Variants in NEK10 observed in about 807,000 individuals in gnomAD.
The protein encoded by NEK10 is NIMA related kinase 10.
A neutral mutation model predicts 159.8 loss-of-function variants in NEK10; 122 were observed. The ratio of observed to expected loss-of-function variants is 0.76; its 90% CI spans 0.66 to 0.89. The LOEUF is 0.89. Among genes scored for constraint, NEK10 ranks in the 40% least tolerant of loss-of-function variants. The probability of loss-of-function intolerance (pLI) is 0.00; values close to 1 mark genes in which losing one functional copy is unlikely to be tolerated. For missense variants in NEK10, 1,342 were observed against 1,323.1 expected (o/e 1.01, Z -0.22); for synonymous variants, 466 against 457.1 (o/e 1.02, Z -0.25).
In NEK10 at chr3:27,160,807, G is replaced by A. The variant is rs1419380880; in HGVS notation, c.2869+1894C>T. Among the ~76,000 whole-genome samples, 3 of 152,182 alleles carry A rather than the reference G, an allele frequency of 2.0e-5. No homozygotes were observed. The East Asian group carries it at 5.8e-4, about 29-fold the overall frequency. On this transcript the variant is annotated intron_variant, in intron 30 of 35. Transcript: ENST00000691995. ...TGTAATCCCAGCTACTCGGTAGGCTGAGGCAGGAGAATTGCCTGAACCCAG... is the reference window on the plus strand; with the variant it reads ...TGTAATCCCAGCTACTCGGTAGGCTAAGGCAGGAGAATTGCCTGAACCCAG...
Position 27,346,244 on chromosome 3 carries a change from G to A in NEK10, c.133-28C>T, listed in dbSNP as rs752796999. The A allele has an allele frequency of 4.3e-6, 7 of 1,612,476 alleles. No homozygotes were observed. In the African/African-American group the frequency reaches 5.3e-5, roughly 12 times the overall value. On this transcript the variant is annotated intron_variant, in intron 3 of 35. Coordinates refer to ENST00000691995, the MANE Select transcript of NEK10 (RefSeq NM_001394966.1). ...ACAGAAATAGAAGCATAGAGTACATGAGGATCACAATTCAGCACGGGATAA... is the reference window on the plus strand; with the variant it reads ...ACAGAAATAGAAGCATAGAGTACATAAGGATCACAATTCAGCACGGGATAA...
intron 26 of NEK10, among the ~76,000 whole-genome samples, chr3:27,186,666 C>A (rs1005540652): frequency 2.0e-5 from 3 of 152,140 alleles, no homozygotes; most frequent in Admixed American, 6.5e-5. Context: ...AGAGCAGAGG[C>A]CTTGTCTATT....
intron 3 of NEK10, among the ~76,000 whole-genome samples, chr3:27,349,118 C>T (rs556342269): frequency 2.6e-5 from 4 of 152,020 alleles, no homozygotes; most frequent in Admixed American, 1.3e-4. Context: ...TCAAGAAAGT[C>T]GTGTCACTTC....
At chr3:27,316,693 T>C (rs2045211850) in intron 6 of NEK10, among the ~76,000 whole-genome samples, 1 of 152,034 alleles carries the variant, frequency 6.6e-6, no homozygotes, top group African/African-American at 2.4e-5. Context: ...TTTGATGATA[T>C]GGGACTAACT....
chr3:27,275,025 T>C (rs1412648903), intron 22 of NEK10, among the ~76,000 whole-genome samples: 1 of 152,174 alleles, frequency 6.6e-6, no homozygotes. Flanking sequence ...AACCTTAGTC[T>C]TCGGTGTTTT....
chr3:27,304,607 T>C, intron 12 of NEK10, 140 bp downstream of exon 12: 1 of 638,652 alleles, frequency 1.6e-6, no homozygotes, highest in Non-Finnish European at 2.9e-6. Context: ...CAAGTCTAGA[T>C]GACTTTGGAA....
intron 23 of NEK10, among the ~76,000 whole-genome samples, chr3:27,228,583 T>C (rs776654215): frequency 6.6e-6 from 1 of 152,164 alleles, no homozygotes; most frequent in Non-Finnish European, 1.5e-5. Flanking sequence ...GACAACGTGA[T>C]CTAAGAGGCA....
intron 23 of NEK10, among the ~76,000 whole-genome samples, chr3:27,217,667 C>A (rs1951668648): frequency 6.6e-6 from 1 of 152,016 alleles, no homozygotes; most frequent in Admixed American, 6.5e-5. Flanking sequence ...TATTAACCTG[C>A]TACAAAACCC....
chr3:27,268,687 G>A (rs2041096660), intron 22 of NEK10, among the ~76,000 whole-genome samples: 1 of 152,084 alleles, frequency 6.6e-6, no homozygotes, highest in Non-Finnish European at 1.5e-5. Flanking sequence ...GAGCTCTGGT[G>A]GATATGTAAA....
At chr3:27,224,430 C>T (rs1952421785) in intron 23 of NEK10, among the ~76,000 whole-genome samples, 1 of 152,168 alleles carries the variant, frequency 6.6e-6, no homozygotes, top group Non-Finnish European at 1.5e-5. Context: ...GGTTGAGTAA[C>T]CAAAAGAATC....
intron 23 of NEK10, among the ~76,000 whole-genome samples, chr3:27,245,755 C>T (rs1361410332): frequency 6.6e-6 from 1 of 152,178 alleles, no homozygotes; most frequent in East Asian, 1.9e-4. Context: ...ATTCTAATTT[C>T]TTAATTATTC....
intron 23 of NEK10, among the ~76,000 whole-genome samples, chr3:27,221,194 T>C (rs2149153556): frequency 6.6e-6 from 1 of 152,270 alleles, no homozygotes. Flanking sequence ...CTTTTGTGCC[T>C]CAAAGGACAT....
In NEK10 at chr3:27,290,722, TG is replaced by T. The variant is rs761206828; in HGVS notation, c.1637del (p.Ala546GlufsTer2). On this transcript the variant is annotated frameshift_variant, in exon 19 of 36. Transcript: ENST00000691995. LOFTEE classifies it high-confidence loss of function. ...GGTTATGTAAATTGACCTCTTTCAT[TG>T]CTAAAAGATTTTGACCACTATGCTT... Reference protein sequence around the residue: ...VRKHSGQNLLAMKEVNLHNPA... With the variant: ...VRKHSGQNLLXMKEVNLHNPA... 1 of 1,609,010 alleles carries T rather than the reference TG, an allele frequency of 6.2e-7. No individual in the cohort carries two copies. Among genetic ancestry groups the T allele is most frequent in the Non-Finnish European group, 8.5e-7 (1 of 1,176,662 alleles).
At chr3:27,159,806 GT>G (rs1945838608) in intron 30 of NEK10, among the ~76,000 whole-genome samples, 1 of 151,752 alleles carries the variant, frequency 6.6e-6, no homozygotes, top group Admixed American at 6.6e-5. Context: ...GAACCTAGAA[GT>G]TCAGCTTTTA....
intron 23 of NEK10, among the ~76,000 whole-genome samples, chr3:27,220,322 T>C (rs1559635570): frequency 6.6e-6 from 1 of 152,222 alleles, no homozygotes; most frequent in Non-Finnish European, 1.5e-5. Context: ...TTTTCCAGCT[T>C]CTAGAGACTG....
intron 26 of NEK10, among the ~76,000 whole-genome samples, chr3:27,175,696 G>C (rs1947436280): frequency 1.3e-5 from 2 of 152,228 alleles, no homozygotes. Context: ...AGCGTGAAGA[G>C]CCTTTTTAGG....
intron 16 of NEK10, among the ~76,000 whole-genome samples, chr3:27,292,614 A>C (rs555121035): frequency 6.6e-6 from 1 of 152,196 alleles, no homozygotes; most frequent in South Asian, 2.1e-4. Flanking sequence ...CGGGTGGATA[A>C]CCTGAGGTCA....
At chr3:27,320,329 A>C (rs991049695) in intron 6 of NEK10, among the ~76,000 whole-genome samples, 1 of 152,178 alleles carries the variant, frequency 6.6e-6, no homozygotes, top group Non-Finnish European at 1.5e-5. Context: ...TTATCAACAG[A>C]TTTTCTGAAC....
chr3:27,233,655 C>T (rs1227146125), intron 23 of NEK10, among the ~76,000 whole-genome samples: 1 of 151,748 alleles, frequency 6.6e-6, no homozygotes, highest in Non-Finnish European at 1.5e-5. Flanking sequence ...GCCCATCAAC[C>T]AACAAGTGGA....
Sources: gnomAD v4.1 joint callset for allele counts (sites outside exome capture counted in the v4.1 genomes callset) on GRCh38, gnomAD v4.1.1 for gene constraint, MANE v1.5 for transcripts, NCBI Gene and HGNC (gene_info 2026-07-23, HGNC 2026-07-21) for gene names.